Variants in UACA observed in about 807,000 individuals in gnomAD.
The protein encoded by UACA is uveal autoantigen with coiled-coil domains and ankyrin repeats, also known as nuclear membrane binding protein.
In UACA, 112 loss-of-function variants were observed where a neutral mutation model predicts 160.5. The observed-to-expected ratio is 0.70, with a 90% CI of 0.60 to 0.82. UACA has a LOEUF of 0.82. UACA is among the 40% of genes least tolerant of loss of function. The pLI is 0.00. For missense variants in UACA, 1,574 were observed against 1,614.6 expected (o/e 0.97, Z 0.43); for synonymous variants, 557 against 568.4 (o/e 0.98, Z 0.29).
intron 17 of UACA, chr15:70,661,723 G>C (rs553142618): frequency 2.0e-5 from 3 of 152,256 alleles, no homozygotes; most frequent in Non-Finnish European, 2.9e-5. Context: ...AGGATCACTT[G>C]AGCCCAGGAG....
At chr15:70,726,210 G>A (rs1008031031) in intron 1 of UACA, among the ~76,000 whole-genome samples, 5 of 151,800 alleles carry the variant, frequency 3.3e-5, no homozygotes, top group South Asian at 2.1e-4. Flanking sequence ...GAACTTTCAG[G>A]GTAACTCAGC....
intron 5 of UACA, among the ~76,000 whole-genome samples, chr15:70,688,521 A>G (rs541104236): frequency 4.3e-4 from 65 of 152,298 alleles, no homozygotes; most frequent in African/African-American, 1.3e-3. Flanking sequence ...TAAACCAAAC[A>G]TAAGAAAATC....
chr15:70,757,594 T>TA (rs2030507978), intron 1 of UACA, among the ~76,000 whole-genome samples: 1 of 152,234 alleles, frequency 6.6e-6, no homozygotes. Flanking sequence ...TACCTTGAGA[T>TA]ACAGTTCTCA....
At chr15:70,701,287 C>T (rs1040665297) in intron 1 of UACA, among the ~76,000 whole-genome samples, 8 of 152,164 alleles carry the variant, frequency 5.3e-5, no homozygotes, top group Non-Finnish European at 1.2e-4. Flanking sequence ...ACATTTTACG[C>T]ATCACCTTTC....
At chr15:70,684,529 T>C (rs929183458) in intron 7 of UACA, 83 bp from the exon 8 acceptor site, 13 of 1,384,260 alleles carry the variant, frequency 9.4e-6, no homozygotes, top group South Asian at 7.2e-5. Context: ...TGTTGAACAC[T>C]GTCTTAGTGT....
At chr15:70,700,981 TA>T (rs1491549145) in intron 1 of UACA, among the ~76,000 whole-genome samples, 2 of 151,814 alleles carry the variant, frequency 1.3e-5, no homozygotes, top group African/African-American at 2.4e-5. Context: ...AAAGAAAAGT[TA>T]AAAAAAATCA....
At chr15:70,690,833 G>T (rs995776880) in intron 4 of UACA, among the ~76,000 whole-genome samples, 1 of 151,998 alleles carries the variant, frequency 6.6e-6, no homozygotes, top group South Asian at 2.1e-4. Flanking sequence ...AAGCAGGTGA[G>T]TTCTGCTATG....
upstream of UACA, among the ~76,000 whole-genome samples, chr15:70,765,681 T>C (rs1183360718): frequency 6.6e-6 from 1 of 152,250 alleles, no homozygotes; most frequent in African/African-American, 2.4e-5. Flanking sequence ...TGCATTCTTA[T>C]TGACTACTAT....
chr15:70,726,717 T>G (rs1899155017), intron 1 of UACA, among the ~76,000 whole-genome samples: 1 of 152,218 alleles, frequency 6.6e-6, no homozygotes, highest in Non-Finnish European at 1.5e-5. Context: ...CGGTACCTTC[T>G]AAATTTTCTA....
At chr15:70,740,637 CAAAAA>C (rs10536483) in intron 1 of UACA, among the ~76,000 whole-genome samples, 4 of 84,028 alleles carry the variant, frequency 4.8e-5, no homozygotes, top group Non-Finnish European at 5.0e-5. Context: ...GACCCTGTCT[CAAAAA>C]AAAAAAAAAA....
chr15:70,668,086 T>C lies in UACA; in HGVS notation c.2598A>G (p.Glu866=). 6.2e-7 allele frequency: 1 copy of C among 1,613,640 alleles called. No individual in the cohort carries two copies. The highest frequency in any genetic ancestry group is 2.2e-5 in the East Asian group (1 of 44,860). ...TGTCATTCAGTGTCATTTTAACCTCTTCATGGGTTTTAACTGGCACATACT... is the reference window on the plus strand; with the variant it reads ...TGTCATTCAGTGTCATTTTAACCTCCTCATGGGTTTTAACTGGCACATACT... The part of the protein sequence containing the change: ...SNQYVPVKTH[E]EVKMTLNDTL... The change falls in exon 16 of 19, where the codon GAA becomes GAG. Residue 866 remains glutamate (E), a synonymous_variant. Transcript: ENST00000322954.
intron 1 of UACA, among the ~76,000 whole-genome samples, chr15:70,725,816 G>A (rs1304212655): frequency 1.3e-5 from 2 of 152,144 alleles, no homozygotes; most frequent in Non-Finnish European, 2.9e-5. Flanking sequence ...CAAGGAAGAT[G>A]AAGGCGACAC....
chr15:70,679,763 G>C, intron 9 of UACA, 87 bp from the exon 10 acceptor site: 2 of 748,250 alleles, frequency 2.7e-6, no homozygotes, highest in East Asian at 3.0e-5. Flanking sequence ...CACCCAGTTA[G>C]TGATTTTCAG....
At chr15:70,701,105 C>T in intron 1 of UACA, among the ~76,000 whole-genome samples, 1 of 152,096 alleles carries the variant, frequency 6.6e-6, no homozygotes, top group South Asian at 2.1e-4. Context: ...TTTTAACTCA[C>T]TTCTGAAATT....
At chr15:70,725,303 T>A (rs1899111548) in intron 1 of UACA, among the ~76,000 whole-genome samples, 1 of 152,186 alleles carries the variant, frequency 6.6e-6, no homozygotes, top group Non-Finnish European at 1.5e-5. Flanking sequence ...TTGAGGATCA[T>A]CTTGTCCAGG....
At chr15:70,718,058 CAT>C (rs550846581) in intron 1 of UACA, among the ~76,000 whole-genome samples, 18 of 146,138 alleles carry the variant, frequency 1.2e-4, no homozygotes, top group Admixed American at 2.7e-4. Context: ...CACACACACA[CAT>C]ATATATCCTA....
chr15:70,777,158 G>C, the UACA span, among the ~76,000 whole-genome samples: 1 of 152,170 alleles, frequency 6.6e-6, no homozygotes, highest in Non-Finnish European at 1.5e-5. Context: ...CGAAATGTGA[G>C]AGTCAATTAT....
At chr15:70,772,086 C>T in the UACA span, among the ~76,000 whole-genome samples, 13 of 152,132 alleles carry the variant, frequency 8.5e-5, no homozygotes, top group East Asian at 1.9e-4. Flanking sequence ...TGATCATAAA[C>T]GACCAAAGGG....
chr15:70,691,125 A>G (rs139850248), intron 4 of UACA, among the ~76,000 whole-genome samples, 174 bp downstream of exon 4: 87 of 152,286 alleles, frequency 5.7e-4, no homozygotes, highest in African/African-American at 2.0e-3. Flanking sequence ...CACTTCCCTC[A>G]GTTTTTGCTC....
Sources: gnomAD v4.1 joint callset for allele counts (sites outside exome capture counted in the v4.1 genomes callset) on GRCh38, gnomAD v4.1.1 for gene constraint, MANE v1.5 for transcripts, NCBI Gene and HGNC (gene_info 2026-07-23, HGNC 2026-07-21) for gene names.